The following ASIC2 variants were observed in gnomAD, a reference collection of about 807,000 sequenced individuals.
ASIC2 encodes acid-sensing ion channel 2.
In ASIC2, 25 loss-of-function variants were observed where a neutral mutation model predicts 57.3. The observed-to-expected ratio is 0.44, with a 90% CI of 0.32 to 0.61. The LOEUF (loss-of-function observed/expected upper bound fraction) is 0.61. Ranked by LOEUF, ASIC2 falls within the 20% of genes least tolerant of loss-of-function variation. The pLI, the probability that ASIC2 is intolerant of heterozygous loss-of-function variation, is 0.06. For missense variants in ASIC2, 641 were observed against 738.1 expected (o/e 0.87, Z 1.52); for synonymous variants, 319 against 307.5 (o/e 1.04, Z -0.39).
At position 33,328,606 on chromosome 17, in the gene ASIC2, G is replaced by T. The variant is rs1437988926; in HGVS notation, c.556-216539C>A. Among the ~76,000 whole-genome samples the T allele has an allele frequency of 2.0e-5, 3 of 152,096 alleles. No homozygotes were observed. In the East Asian group the frequency reaches 5.8e-4, roughly 29 times the overall value. On this transcript the variant is annotated intron_variant, in intron 1 of 9. Coordinates refer to the ASIC2 transcript ENST00000359872. ...TCTTCAGGGGGTACATGCGATACTT[G>T]CTTTCTCTTTCATCCACCCTTTAAA...
intron 2 of ASIC2, among the ~76,000 whole-genome samples, chr17:33,096,892 GAGGCCAGAGTGGCAGGGACA>G (rs940448312): frequency 1.3e-5 from 2 of 152,196 alleles, no homozygotes; most frequent in African/African-American, 2.4e-5. Context: ...GAACAGCAAG[GAGGCCAGAGTGGCAGGGACA>G]AGGCCAGAGT....
At chr17:33,374,836 CTA>C (rs1241274200) in intron 1 of ASIC2, among the ~76,000 whole-genome samples, 1 of 152,110 alleles carries the variant, frequency 6.6e-6, no homozygotes, top group Non-Finnish European at 1.5e-5. Context: ...TAAGTACCTT[CTA>C]TATGCTTGAC....
chr17:33,164,225 C>T (rs1306368535), intron 1 of ASIC2, among the ~76,000 whole-genome samples: 1 of 152,208 alleles, frequency 6.6e-6, no homozygotes. Context: ...CCTCCCTTCT[C>T]TTCCTGGCCT....
At chr17:33,313,320 C>T (rs1177561810) in intron 1 of ASIC2, among the ~76,000 whole-genome samples, 1 of 150,906 alleles carries the variant, frequency 6.6e-6, no homozygotes, top group Non-Finnish European at 1.5e-5. Context: ...AGAGCGAAAC[C>T]CTGTTTGAAA....
intron 1 of ASIC2, among the ~76,000 whole-genome samples, chr17:33,254,742 A>T (rs1908999251): frequency 6.6e-6 from 1 of 152,202 alleles, no homozygotes; most frequent in Non-Finnish European, 1.5e-5. Context: ...TTAAAAGGAT[A>T]TTTGATCCAC....
intron 1 of ASIC2, chr17:34,001,237 C>A (rs1047057570): frequency 6.6e-6 from 1 of 152,216 alleles, no homozygotes; most frequent in Non-Finnish European, 1.5e-5. Flanking sequence ...AAGTTAATCT[C>A]TTCACCAGCT....
intron 1 of ASIC2, among the ~76,000 whole-genome samples, chr17:33,259,658 T>C (rs1450614965): frequency 2.6e-5 from 4 of 152,182 alleles, no homozygotes; most frequent in Non-Finnish European, 5.9e-5. Context: ...TGGTCATTTA[T>C]TTTATGATGC....
At chr17:33,463,811 C>T (rs1415273274) in intron 1 of ASIC2, among the ~76,000 whole-genome samples, 2 of 152,226 alleles carry the variant, frequency 1.3e-5, no homozygotes, top group African/African-American at 2.4e-5. Flanking sequence ...TACCACTGCT[C>T]ATACTGTACT....
At chr17:33,797,729 G>T (rs1911961218) in intron 1 of ASIC2, among the ~76,000 whole-genome samples, 1 of 152,204 alleles carries the variant, frequency 6.6e-6, no homozygotes, top group African/African-American at 2.4e-5. Flanking sequence ...GGTTCTATTT[G>T]TCTGCAGACA....
chr17:34,126,387 C>T (rs923431782), intron 1 of ASIC2, among the ~76,000 whole-genome samples: 2 of 152,136 alleles, frequency 1.3e-5, no homozygotes, highest in African/African-American at 4.8e-5. Context: ...GAGGAAAGTA[C>T]GGAATAAATA....
intron 1 of ASIC2, among the ~76,000 whole-genome samples, chr17:33,543,607 T>C (rs1915490169): frequency 6.6e-6 from 1 of 152,234 alleles, no homozygotes; most frequent in South Asian, 2.1e-4. Flanking sequence ...TGAAACTGTC[T>C]GTGGTCCCTG....
At chr17:33,799,329 C>T (rs1166841864) in intron 1 of ASIC2, among the ~76,000 whole-genome samples, 1 of 150,284 alleles carries the variant, frequency 6.7e-6, no homozygotes, top group South Asian at 2.1e-4. Flanking sequence ...TCCATTTTCC[C>T]TCCCTCTCTG....
At chr17:33,473,367 T>C (rs144300138) in intron 1 of ASIC2, among the ~76,000 whole-genome samples, 93 of 152,328 alleles carry the variant, frequency 6.1e-4, no homozygotes, top group African/African-American at 2.0e-3. Context: ...TGACATTTAT[T>C]CCTGAGATGA....
At chr17:33,815,139 A>T (rs959167829) in intron 1 of ASIC2, among the ~76,000 whole-genome samples, 7 of 152,132 alleles carry the variant, frequency 4.6e-5, no homozygotes, top group African/African-American at 1.7e-4. Context: ...TTCCTGAGAC[A>T]CTAGCCATCT....
At chr17:33,031,547 G>A (rs537617747) in intron 3 of ASIC2, among the ~76,000 whole-genome samples, 4 of 152,212 alleles carry the variant, frequency 2.6e-5, no homozygotes, top group Admixed American at 6.5e-5. Context: ...AATGTTCCAC[G>A]TGCACCTGAA....
At chr17:33,049,424 A>G (rs2091967016) in intron 3 of ASIC2, among the ~76,000 whole-genome samples, 1 of 152,158 alleles carries the variant, frequency 6.6e-6, no homozygotes, top group Non-Finnish European at 1.5e-5. Context: ...CTATATCCTA[A>G]CATGTCTATA....
At chr17:34,124,534 A>G (rs997134962) in intron 1 of ASIC2, among the ~76,000 whole-genome samples, 2 of 152,186 alleles carry the variant, frequency 1.3e-5, no homozygotes, top group Non-Finnish European at 2.9e-5. Context: ...AGCTTCAGTT[A>G]TCATCCCACT....
intron 1 of ASIC2, among the ~76,000 whole-genome samples, chr17:33,196,877 T>C (rs956871852): frequency 6.6e-6 from 1 of 152,158 alleles, no homozygotes; most frequent in South Asian, 2.1e-4. Flanking sequence ...GGAGTAGGAA[T>C]CTCCGCCTCG....
At chr17:33,038,619 C>CT (rs2091918630) in intron 3 of ASIC2, among the ~76,000 whole-genome samples, 1 of 152,214 alleles carries the variant, frequency 6.6e-6, no homozygotes, top group African/African-American at 2.4e-5. Flanking sequence ...GAACTGGAGG[C>CT]TTTGATAATT....
Sources: allele counts gnomAD v4.1 joint callset (sites outside exome capture counted in the v4.1 genomes callset), GRCh38; gene constraint gnomAD v4.1.1; transcripts MANE v1.5; gene names NCBI Gene and HGNC (gene_info 2026-07-23, HGNC 2026-07-21).